Variants in MFN2 observed in about 807,000 individuals in gnomAD.
MFN2 encodes the protein mitofusin-2.
In MFN2, 43 loss-of-function variants were observed where a neutral mutation model predicts 87.5. That is an observed-to-expected ratio of 0.49 (90% CI 0.38 to 0.63). The LOEUF (loss-of-function observed/expected upper bound fraction) is 0.63, where lower values mean the gene tolerates loss of function less well. MFN2 is among the 30% of genes least tolerant of loss of function. MFN2 has a pLI of 0.00. For missense variants in MFN2, 743 were observed against 972.8 expected (o/e 0.76, Z 3.14); for synonymous variants, 337 against 359.9 (o/e 0.94, Z 0.72).
chr1:12,010,863 T>C (rs10864546), intron 18 of MFN2, among the ~76,000 whole-genome samples: 98,296 of 151,788 alleles, frequency 0.65, 32,151 homozygotes, highest in South Asian at 0.71. Context: ...TCGGCCTGCC[T>C]AGCCCATGAT....
At chr1:11,988,083 T>TG (rs200383606) in intron 2 of MFN2, among the ~76,000 whole-genome samples, 88,284 of 142,900 alleles carry the variant, frequency 0.62, 26,654 homozygotes, top group African/African-American at 0.67. Flanking sequence ...ACCAATAGTT[T>TG]TTGTGTGTGT....
intron 17 of MFN2, among the ~76,000 whole-genome samples, chr1:12,008,389 C>T: frequency 6.7e-6 from 1 of 148,904 alleles, no homozygotes; most frequent in African/African-American, 2.5e-5. Context: ...CCCCACCTCC[C>T]TCCCGGACGG....
In MFN2 at chr1:12,002,056, G is replaced by A. The variant is rs766570486; in HGVS notation, c.1113G>A (p.Ala371=). ...HTVRAKQIAE[A]VRLIMDSLHM... ...TCCGGGCCAAGCAGATTGCAGAGGC[G>A]GTTCGACTCATCATGGACTCCCTGC... Residue 371 remains alanine (A), a synonymous_variant, in exon 11 of 19, where the codon GCG becomes GCA. Transcript: ENST00000235329. 3.2e-5 allele frequency: 52 copies of A among 1,614,218 alleles called. No homozygotes were observed. The highest frequency in any genetic ancestry group is 3.9e-5 in the Non-Finnish European group (46 of 1,180,034).
At chr1:11,997,970 G>A (rs1055696083) in intron 6 of MFN2, among the ~76,000 whole-genome samples, 12 of 129,012 alleles carry the variant, frequency 9.3e-5, no homozygotes, top group East Asian at 2.5e-4. Flanking sequence ...TGCAACCTCC[G>A]CCTCCCGGGT....
At chr1:11,988,628 T>G (rs1235950822) in intron 2 of MFN2, among the ~76,000 whole-genome samples, 1 of 152,076 alleles carries the variant, frequency 6.6e-6, no homozygotes, top group East Asian at 1.9e-4. Flanking sequence ...CCGAAACTCC[T>G]GGGCTCAAGT....
rs771589792 is a variant in MFN2, at chr1:12,009,669, C to T, written c.2147C>T (p.Ala716Val). Residue 716 changes from alanine (A) to valine (V), a missense_variant, in exon 18 of 19, where the codon GCC (alanine) becomes GTC (valine). Ala to Val is a moderately conservative substitution (Grantham distance 64). Transcript: ENST00000235329. ...GAGAACCTGGAGCAGGAAATTGCCG[C>T]CATGAACAAGAAAATTGAGGTTCTT... ...TRENLEQEIAAMNKKIEVLDS... is the reference protein window; with the variant it reads ...TRENLEQEIAVMNKKIEVLDS... 3.7e-6 allele frequency: 6 copies of T among 1,614,098 alleles called. No individual in the cohort carries two copies. In the East Asian group the frequency reaches 1.3e-4, roughly 36 times the overall value.
Position 12,001,470 on chromosome 1 carries a change from C to G in MFN2, c.886C>G (p.Gln296Glu). The G allele has an allele frequency of 6.2e-7, 1 of 1,614,088 alleles. No individual in the cohort carries two copies. Among genetic ancestry groups the G allele is most frequent in the East Asian group, 2.2e-5 (1 of 44,884 alleles). ...VDELGVVDRS[Q>E]AGDRIFFVSA... ...TGAGCTGGGCGTGGTGGATCGATCC[C>G]AGGCCGGGGACCGCATCTTCTTTGT... Residue 296 changes from glutamine to glutamate, a missense_variant, in exon 9 of 19, where the codon CAG becomes GAG. By Grantham distance (29) the Gln-to-Glu change is conservative (BLOSUM62 2). This residue lies in a region of MFN2 where 571 missense variants were observed against 670.7 expected (regional missense o/e 0.85). Coordinates refer to ENST00000235329, the MANE Select transcript of MFN2 (RefSeq NM_014874.4).
At chr1:11,982,508 T>C (rs546426153) in intron 2 of MFN2, 1 of 152,408 alleles carries the variant, frequency 6.6e-6, no homozygotes, top group African/African-American at 2.4e-5. Flanking sequence ...TTTCTCAGCT[T>C]CTCCTCTTTT....
chr1:12,005,348 G>A (rs756053763), intron 14 of MFN2, among the ~76,000 whole-genome samples: 2 of 152,248 alleles, frequency 1.3e-5, no homozygotes, highest in Non-Finnish European at 1.5e-5. Context: ...CTTCCAAAGT[G>A]CTAGGATTAC....
chr1:12,001,397 C>T lies in MFN2; in HGVS notation c.817-4C>T, dbSNP rs775052162. ...CACTCTGGACACATTTGTTTGGGCT[C>T]CAGGTGCGGCGGCAGCACATGGAGC... is the stretch of plus-strand genomic sequence containing the variant. On this transcript the variant is annotated splice_polypyrimidine_tract_variant and splice_region_variant and intron_variant, in intron 8 of 18. Transcript: ENST00000235329. 7 of 1,613,318 alleles carry T rather than the reference C, an allele frequency of 4.3e-6. No homozygotes were observed. The highest frequency in any genetic ancestry group is 5.1e-6 in the Non-Finnish European group (6 of 1,179,840).
intron 2 of MFN2, among the ~76,000 whole-genome samples, chr1:11,982,319 A>T (rs563066891): frequency 4.3e-4 from 66 of 152,246 alleles, no homozygotes; most frequent in African/African-American, 1.5e-3. Context: ...TTAAAAGTTG[A>T]CAGTTCAGAA....
At chr1:11,986,508 G>A (rs1638411943) in intron 2 of MFN2, among the ~76,000 whole-genome samples, 2 of 152,044 alleles carry the variant, frequency 1.3e-5, no homozygotes, top group Admixed American at 6.5e-5. Flanking sequence ...AACTCTGAGG[G>A]ACCTGGCAGG....
In MFN2 at chr1:12,011,581, G is replaced by A. The variant is rs776646123; in HGVS notation, c.*16G>A. ...CAGCAGATAGTGGGCACCTGAGGCG[G>A]AGTCTGCGTGGAGAGGGGCGGTGCT... On this transcript the variant is annotated 3_prime_UTR_variant, in exon 19 of 19. Coordinates refer to ENST00000235329, the MANE Select transcript of MFN2 (RefSeq NM_014874.4). 6.2e-7 allele frequency: 1 copy of A among 1,613,470 alleles called. No individual in the cohort carries two copies. Among genetic ancestry groups the A allele is most frequent in the South Asian group, 1.1e-5 (1 of 91,068 alleles).
rs1042496996 is a variant in MFN2 at position 12,003,613 on chromosome 1, G to T, written c.1161-379G>T. Reference sequence around the variant, plus strand: ...CAGGAAGTGGAGGTTGCAGTGAGTGGAGATCGTGCCATTGCACTCCAGCCT... The same window carrying T: ...CAGGAAGTGGAGGTTGCAGTGAGTGTAGATCGTGCCATTGCACTCCAGCCT... On this transcript the variant is annotated intron_variant, in intron 11 of 18. Transcript: ENST00000235329. This position sits in a 1 kb window ranked among gnomAD's most constrained non-coding sequence, Gnocchi z 4.1. Among the ~76,000 whole-genome samples the T allele has an allele frequency of 1.3e-5, 2 of 150,940 alleles. No individual in the cohort carries two copies. Among genetic ancestry groups the T allele is most frequent in the African/African-American group, 4.9e-5 (2 of 40,884 alleles).
intron 6 of MFN2, among the ~76,000 whole-genome samples, chr1:11,998,429 T>C (rs1639024137): frequency 6.6e-6 from 1 of 151,918 alleles, no homozygotes; most frequent in Admixed American, 6.6e-5. Flanking sequence ...GTGCCTGTAG[T>C]GCCAGCTACT....
intron 1 of MFN2, 123 bp downstream of exon 1, chr1:11,980,607 G>A (rs1250912643): frequency 5.0e-6 from 2 of 396,516 alleles, no homozygotes; most frequent in Admixed American, 8.8e-5. Context: ...AGTCAAGCGG[G>A]GTCCCCACTC....
Position 12,008,607 on chromosome 1 carries a change from C to T in MFN2, c.2070-985C>T, listed in dbSNP as rs185654407. ...GCAGAGACGCTCCTCACCTCCTAGA[C>T]GGGGTTGTGGCTGGGCAGAGGCGCT... is the stretch of plus-strand genomic sequence containing the variant. On this transcript the variant is annotated intron_variant, in intron 17 of 18. Coordinates refer to ENST00000235329, the MANE Select transcript of MFN2 (RefSeq NM_014874.4). 1.9e-3 allele frequency among the ~76,000 whole-genome samples: 284 copies of T among 150,002 alleles called. 9 individuals carry two copies. In the East Asian group the frequency reaches 0.042, roughly 22 times the overall value.
intron 18 of MFN2, among the ~76,000 whole-genome samples, chr1:12,010,717 C>T (rs1392329052): frequency 2.0e-5 from 3 of 152,208 alleles, no homozygotes; most frequent in African/African-American, 7.2e-5. Flanking sequence ...TCTCCTGTGT[C>T]TCATTATTTT....
intron 2 of MFN2, among the ~76,000 whole-genome samples, chr1:11,986,946 T>C (rs1024881956): frequency 1.3e-5 from 2 of 152,162 alleles, no homozygotes; most frequent in Admixed American, 1.3e-4. Context: ...AATGTTGTTA[T>C]ATGAAAAGAT....
Sources: gnomAD v4.1 joint callset for allele counts (sites outside exome capture counted in the v4.1 genomes callset) on GRCh38, gnomAD v4.1.1 for gene constraint, gnomAD v4.1.1 regional missense constraint, Gnocchi (gnomAD v3.1) non-coding constraint, MANE v1.5 for transcripts, NCBI Gene and HGNC (gene_info 2026-07-23, HGNC 2026-07-21) for gene names.